Variants in EGFR observed in about 807,000 individuals in gnomAD.
The protein encoded by EGFR is avian erythroblastic leukemia viral (v-erb-b) oncogene homolog.
Under a neutral mutation model 143.0 loss-of-function variants are expected in EGFR, and 58 were observed. The ratio of observed to expected loss-of-function variants is 0.41; its 90% CI spans 0.33 to 0.50. The LOEUF (loss-of-function observed/expected upper bound fraction) is 0.50, where lower values mean the gene tolerates loss of function less well. Ranked by LOEUF, EGFR falls within the 20% of genes least tolerant of loss-of-function variation. The probability of loss-of-function intolerance (pLI) is 0.39; values close to 1 mark genes in which losing one functional copy is unlikely to be tolerated. For synonymous variants in EGFR, 613 were observed against 594.4 expected (o/e 1.03, Z -0.45); for missense variants, 1,307 against 1,579.0 (o/e 0.83, Z 2.92).
At chr7:55,163,642 C>T in intron 13 of EGFR, 91 bp from the exon 14 acceptor site, 6 of 1,124,984 alleles carry the variant, frequency 5.3e-6, no homozygotes, top group Non-Finnish European at 8.1e-6. Flanking sequence ...TGACCATTAC[C>T]TCAAGTTATT....
chr7:55,083,939 T>C (rs1261753294), intron 1 of EGFR, among the ~76,000 whole-genome samples: 2 of 152,216 alleles, frequency 1.3e-5, no homozygotes, highest in African/African-American at 2.4e-5. Context: ...TTAGCAAGAT[T>C]GGGATCCTAA....
At chr7:55,138,650 T>A (rs1018519489) in intron 1 of EGFR, among the ~76,000 whole-genome samples, 6 of 152,250 alleles carry the variant, frequency 3.9e-5, no homozygotes, top group Non-Finnish European at 8.8e-5. Context: ...TATGTTATGT[T>A]TCTGTTGCAT....
At chr7:55,204,346 A>G (rs1188762123) in intron 27 of EGFR, among the ~76,000 whole-genome samples, 1 of 148,004 alleles carries the variant, frequency 6.8e-6, no homozygotes, top group African/African-American at 2.5e-5. Flanking sequence ...ACACATATGT[A>G]TGCACACATA....
chr7:55,065,099 T>C (rs1048708830), intron 1 of EGFR, among the ~76,000 whole-genome samples: 7 of 152,242 alleles, frequency 4.6e-5, no homozygotes, highest in African/African-American at 1.7e-4. Context: ...TCAAGTTATC[T>C]GAAAAGTGAC....
Position 55,067,411 on chromosome 7 carries a change from G to A in EGFR, c.88+48046G>A, listed in dbSNP as rs77063251. ...GCAAATAGTTGCCTGCATAGACAAC[G>A]CAGAATGACTGGGAAAGCCCCAACA... On this transcript the variant is annotated intron_variant, in intron 1 of 27. Transcript: ENST00000275493. 1.2e-3 allele frequency among the ~76,000 whole-genome samples: 178 copies of A among 151,582 alleles called. 9 individuals carry two copies. Among genetic ancestry groups the A allele is most frequent in the African/African-American group, 3.9e-3 (158 of 40,854 alleles).
intron 1 of EGFR, among the ~76,000 whole-genome samples, chr7:55,086,006 A>T (rs1790732860): frequency 1.3e-5 from 2 of 151,406 alleles, no homozygotes; most frequent in Admixed American, 1.3e-4. Flanking sequence ...CCTCCCTTAG[A>T]TTTGACACAT....
chr7:55,074,062 C>T (rs1455662202), intron 1 of EGFR, among the ~76,000 whole-genome samples: 5 of 152,200 alleles, frequency 3.3e-5, no homozygotes, highest in South Asian at 2.1e-4. Flanking sequence ...TTGTCAGGGG[C>T]GGTCTCAACG....
At chr7:55,027,965 T>C (rs1296442588) in intron 1 of EGFR, among the ~76,000 whole-genome samples, 1 of 113,224 alleles carries the variant, frequency 8.8e-6, no homozygotes, top group African/African-American at 3.2e-5. Context: ...TGTATATTCA[T>C]GCCTTTATGT....
At chr7:55,148,318 C>T (rs1399952778) in intron 4 of EGFR, among the ~76,000 whole-genome samples, 3 of 151,720 alleles carry the variant, frequency 2.0e-5, no homozygotes, top group African/African-American at 4.8e-5. Context: ...CCAGTGTTTG[C>T]CATGGATCAG....
chr7:55,082,480 G>C (rs914276133), intron 1 of EGFR, among the ~76,000 whole-genome samples: 2 of 152,186 alleles, frequency 1.3e-5, no homozygotes, highest in African/African-American at 4.8e-5. Flanking sequence ...TGGCATCCAA[G>C]GCTAAAAAGG....
At chr7:55,117,609 A>T (rs7779645) in intron 1 of EGFR, among the ~76,000 whole-genome samples, 140,149 of 152,056 alleles carry the variant, frequency 0.92, 64,651 homozygotes, top group East Asian at 1. Context: ...CTCTGTTATA[A>T]AAAATAATCC....
intron 22 of EGFR, among the ~76,000 whole-genome samples, chr7:55,197,802 A>G (rs919294804): frequency 2.0e-5 from 3 of 152,186 alleles, no homozygotes; most frequent in Non-Finnish European, 4.4e-5. Flanking sequence ...AATCACATTT[A>G]TTGATTTGCA....
In EGFR at chr7:55,161,523, C is replaced by A. The variant is rs1287531915; in HGVS notation, c.1523C>A (p.Ala508Asp). 6.2e-7 allele frequency: 1 copy of A among 1,614,198 alleles called. No homozygotes were observed. The highest frequency in any genetic ancestry group is 1.7e-5 in the Admixed American group (1 of 60,036). Residue 508 changes from alanine to aspartate, a missense_variant, in exon 13 of 28, where the codon GCC becomes GAC. Coordinates refer to ENST00000275493, the MANE Select transcript of EGFR (RefSeq NM_005228.5). ...SCKATGQVCH[A>D]LCSPEGCWGP... ...GAGGCCACAGGCCAGGTCTGCCATG[C>A]CTTGTGCTCCCCCGAGGGCTGCTGG...
At chr7:55,039,613 C>A (rs931606967) in intron 1 of EGFR, among the ~76,000 whole-genome samples, 8 of 152,254 alleles carry the variant, frequency 5.3e-5, no homozygotes, top group African/African-American at 1.9e-4. Flanking sequence ...ACCAGGCAGT[C>A]GCTTGTGGGT....
In EGFR at chr7:55,189,118, G is replaced by A. The variant is rs78778527; in HGVS notation, c.2470-2601G>A. ...ACATAATGTGTGTGTGTGTGTGTGT[G>A]TATATATATATACACATATACATAT... On this transcript the variant is annotated intron_variant, in intron 20 of 27. Coordinates refer to ENST00000275493, the MANE Select transcript of EGFR (RefSeq NM_005228.5). 6.4e-3 allele frequency among the ~76,000 whole-genome samples: 776 copies of A among 121,590 alleles called. 7 individuals carry two copies. Among genetic ancestry groups the A allele is most frequent in the South Asian group, 0.03 (108 of 3,640 alleles). The allele number at this position is 121,590 out of a possible 152,430, so 79.8% of individuals were successfully genotyped here.
intron 1 of EGFR, among the ~76,000 whole-genome samples, chr7:55,034,250 T>C (rs1787428606): frequency 6.6e-6 from 1 of 152,236 alleles, no homozygotes; most frequent in Non-Finnish European, 1.5e-5. Flanking sequence ...TTGTTTTGTA[T>C]TGAGACAGAG....
At chr7:55,189,391 CTCAGCACTG>C (rs1787288438) in intron 20 of EGFR, among the ~76,000 whole-genome samples, 1 of 151,000 alleles carries the variant, frequency 6.6e-6, no homozygotes, top group African/African-American at 2.4e-5. Flanking sequence ...ATCGCCAGTG[CTCAGCACTG>C]TCAGCTGCTA....
At chr7:55,138,294 G>T (rs1471409552) in intron 1 of EGFR, among the ~76,000 whole-genome samples, 2 of 152,172 alleles carry the variant, frequency 1.3e-5, no homozygotes, top group Admixed American at 1.3e-4. Flanking sequence ...CTTCAGATTT[G>T]CAAAGGGTAA....
At chr7:55,068,034 A>G (rs1583958958) in intron 1 of EGFR, among the ~76,000 whole-genome samples, 1 of 149,402 alleles carries the variant, frequency 6.7e-6, no homozygotes, top group African/African-American at 2.5e-5. Flanking sequence ...GTGTATGTGT[A>G]TATGTGTATG....
Sources: allele counts gnomAD v4.1 joint callset (sites outside exome capture counted in the v4.1 genomes callset), GRCh38; gene constraint gnomAD v4.1.1; transcripts MANE v1.5; gene names NCBI Gene and HGNC (gene_info 2026-07-23, HGNC 2026-07-21).